Variants in IL4R observed in about 807,000 individuals in gnomAD.
IL4R encodes interleukin 4 receptor.
In IL4R, 17 loss-of-function variants were observed where a neutral mutation model predicts 41.5. The observed-to-expected ratio is 0.41, with a 90% confidence interval of 0.28 to 0.61. The LOEUF is 0.61. Ranked by LOEUF, IL4R falls within the 20% of genes least tolerant of loss-of-function variation. IL4R has a pLI of 0.31. For missense variants in IL4R, 974 were observed against 1,043.1 expected, an observed-to-expected ratio of 0.93 and a Z score of 0.91; for synonymous variants, 402 against 422.9, an observed-to-expected ratio of 0.95 and a Z score of 0.61.
At chr16:27,320,142 C>T (rs1460176694) in intron 1 of IL4R, among the ~76,000 whole-genome samples, 1 of 152,152 alleles carries the variant, frequency 6.6e-6, no homozygotes, top group Non-Finnish European at 1.5e-5. Context: ...GCTGGGATTA[C>T]AGGCATGAGC....
chr16:27,355,618 G>A, intron 7 of IL4R, 190 bp from the exon 8 acceptor site: 3 of 540,494 alleles, frequency 5.6e-6, no homozygotes, highest in Non-Finnish European at 1.0e-5. Flanking sequence ...GGGCAATGAG[G>A]TGGCCGGTGT....
At chr16:27,336,805 T>C (rs1211808043) in intron 2 of IL4R, among the ~76,000 whole-genome samples, 1 of 144,346 alleles carries the variant, frequency 6.9e-6, no homozygotes, top group East Asian at 2.2e-4. Context: ...GCAGCCGGGC[T>C]CAGTGGCTCA....
chr16:27,352,138 G>A (rs545983483), intron 6 of IL4R, among the ~76,000 whole-genome samples: 1 of 152,266 alleles, frequency 6.6e-6, no homozygotes, highest in African/African-American at 2.4e-5. Context: ...ACAACCCTGC[G>A]GGAAGGGAGA....
chr16:27,318,437 A>G (rs558954128), intron 1 of IL4R, among the ~76,000 whole-genome samples: 1 of 123,474 alleles, frequency 8.1e-6, no homozygotes, highest in South Asian at 2.5e-4. Context: ...AGGAGGTGAC[A>G]TTTGAGAGGG....
intron 2 of IL4R, among the ~76,000 whole-genome samples, chr16:27,337,822 GA>G (rs2085305221): frequency 6.6e-6 from 1 of 151,426 alleles, no homozygotes. Flanking sequence ...AAAGTGCTGG[GA>G]TTACAGATGT....
Position 27,362,153 on chromosome 16 carries a change from C to T in IL4R, c.900-99C>T, listed in dbSNP as rs2086317478. 10 of 1,122,558 alleles carry T rather than the reference C, an allele frequency of 8.9e-6. No individual in the cohort carries two copies. In the South Asian group the frequency reaches 1.3e-4, roughly 15 times the overall value. 69.5% of individuals were successfully genotyped at this position (1,122,558 alleles called of 1,614,324 possible). ...CGTTAGAAGGCATGTCTGAAGTAGACAGCCATCAGGACATGGTGATTTCAG... is the reference window on the plus strand; with the variant it reads ...CGTTAGAAGGCATGTCTGAAGTAGATAGCCATCAGGACATGGTGATTTCAG... On this transcript the variant is annotated intron_variant, in intron 10 of 10. Coordinates refer to ENST00000395762, the MANE Select transcript of IL4R (RefSeq NM_000418.4).
intron 3 of IL4R, chr16:27,341,887 T>G: frequency 2.1e-6 from 1 of 480,664 alleles, no homozygotes; most frequent in Non-Finnish European, 3.7e-6. Context: ...TGCACTTGGT[T>G]CGTTCTTGTC....
intron 1 of IL4R, among the ~76,000 whole-genome samples, chr16:27,322,532 G>A (rs2084844243): frequency 6.6e-6 from 1 of 152,064 alleles, no homozygotes; most frequent in Admixed American, 6.6e-5. Context: ...GCAGCATAGT[G>A]AGACCCCATC....
At chr16:27,348,385 G>C (rs2085738210) in intron 6 of IL4R, among the ~76,000 whole-genome samples, 1 of 152,246 alleles carries the variant, frequency 6.6e-6, no homozygotes, top group African/African-American at 2.4e-5. Flanking sequence ...CTGGGGGGAA[G>C]AGAAAGGTAC....
chr16:27,326,568 A>C (rs1221533359), intron 1 of IL4R, among the ~76,000 whole-genome samples: 3 of 152,180 alleles, frequency 2.0e-5, no homozygotes, highest in African/African-American at 7.2e-5. Context: ...TGGGAGGCTA[A>C]GGCAGGAGGA....
At chr16:27,350,250 G>T (rs2085814898) in intron 6 of IL4R, among the ~76,000 whole-genome samples, 1 of 152,152 alleles carries the variant, frequency 6.6e-6, no homozygotes, top group African/African-American at 2.4e-5. Flanking sequence ...CTCCCTTCCA[G>T]GGTGTAAGAT....
chr16:27,351,229 T>C (rs1481800378), intron 6 of IL4R, among the ~76,000 whole-genome samples: 3 of 152,198 alleles, frequency 2.0e-5, no homozygotes, highest in Non-Finnish European at 4.4e-5. Flanking sequence ...CTGTTGGTTG[T>C]AGTTAACCCT....
chr16:27,325,266 C>G (rs528133478), intron 1 of IL4R, among the ~76,000 whole-genome samples: 1 of 152,104 alleles, frequency 6.6e-6, no homozygotes. Flanking sequence ...CTCACCCCGC[C>G]CTCTCATAAG....
chr16:27,340,043 C>T (rs1023839300), intron 2 of IL4R, 143 bp from the exon 3 acceptor site: 26 of 602,512 alleles, frequency 4.3e-5, no homozygotes, highest in Admixed American at 1.6e-4. Flanking sequence ...GGAGACAGAG[C>T]GAGACTCTGT....
At chr16:27,340,130 G>T in intron 2 of IL4R, 56 bp from the exon 3 acceptor site, 1 of 1,152,454 alleles carries the variant, frequency 8.7e-7, no homozygotes, top group South Asian at 1.3e-5. Flanking sequence ...TATTGAATAA[G>T]ATGAGCTCTG....
chr16:27,338,949 A>G (rs1232513397), intron 2 of IL4R, among the ~76,000 whole-genome samples: 1 of 151,942 alleles, frequency 6.6e-6, no homozygotes, highest in African/African-American at 2.4e-5. Context: ...TGCCTACCCC[A>G]GTTCAAGCGA....
chr16:27,358,025 C>T (rs1567333453), intron 8 of IL4R, among the ~76,000 whole-genome samples: 1 of 152,208 alleles, frequency 6.6e-6, no homozygotes, highest in East Asian at 1.9e-4. Flanking sequence ...TCCTGAGTAG[C>T]TGGGATTGCA....
chr16:27,341,206 AAGAC>A (rs2085429784), intron 3 of IL4R: 1 of 690,190 alleles, frequency 1.4e-6, no homozygotes. Flanking sequence ...ATTGAGGTGA[AAGAC>A]AGAGAAAGAG....
intron 9 of IL4R, chr16:27,359,827 G>A (rs1478894844): frequency 2.2e-6 from 1 of 456,602 alleles, no homozygotes; most frequent in Non-Finnish European, 4.4e-6. Flanking sequence ...AGTGTTTGCT[G>A]TGTAACAAAC....
Sources: gnomAD v4.1 joint callset for allele counts (sites outside exome capture counted in the v4.1 genomes callset) on GRCh38, gnomAD v4.1.1 for gene constraint, MANE v1.5 for transcripts, NCBI Gene and HGNC (gene_info 2026-07-23, HGNC 2026-07-21) for gene names.